ATP8A2: variants seen among roughly 807,000 people sequenced by gnomAD.
The protein encoded by ATP8A2 is phospholipid-transporting ATPase IB.
ATP8A2 carries 100 observed loss-of-function variants against 165.6 expected under a neutral mutation model. That is an observed-to-expected ratio of 0.60 (90% CI 0.51 to 0.71). The LOEUF (loss-of-function observed/expected upper bound fraction) is 0.71. Ranked by LOEUF, ATP8A2 falls within the 30% of genes least tolerant of loss-of-function variation. ATP8A2 has a pLI of 0.00. For missense variants in ATP8A2, 1,227 were observed against 1,479.5 expected (o/e 0.83, Z 2.80); for synonymous variants, 543 against 548.8 (o/e 0.99, Z 0.15).
At chr13:25,661,293 A>C (rs2042045637) in intron 24 of ATP8A2, among the ~76,000 whole-genome samples, 1 of 152,108 alleles carries the variant, frequency 6.6e-6, no homozygotes, top group Non-Finnish European at 1.5e-5. Context: ...TACCCCTACC[A>C]AGTCTAGGTG....
chr13:25,994,590 A>C (rs1372489506), intron 35 of ATP8A2, among the ~76,000 whole-genome samples: 1 of 152,110 alleles, frequency 6.6e-6, no homozygotes, highest in East Asian at 1.9e-4. Flanking sequence ...TTTTTAACTC[A>C]TGAATGGGTG....
intron 16 of ATP8A2, among the ~76,000 whole-genome samples, chr13:25,570,188 A>G (rs921810389): frequency 6.6e-6 from 1 of 152,214 alleles, no homozygotes; most frequent in African/African-American, 2.4e-5. Flanking sequence ...ATAAACTTAA[A>G]GAATAGACAC....
chr13:25,776,805 G>T (rs2044753492), intron 27 of ATP8A2, among the ~76,000 whole-genome samples: 1 of 152,184 alleles, frequency 6.6e-6, no homozygotes, highest in Admixed American at 6.6e-5. Flanking sequence ...TCCTGTAGCT[G>T]CTGGCTTTCA....
intron 8 of ATP8A2, among the ~76,000 whole-genome samples, chr13:25,540,774 T>C (rs950242030): frequency 1.3e-5 from 2 of 151,936 alleles, no homozygotes; most frequent in African/African-American, 4.8e-5. Flanking sequence ...TCCTAGAGGG[T>C]GATATAATTA....
At chr13:25,471,120 T>C (rs2035831992) in intron 2 of ATP8A2, among the ~76,000 whole-genome samples, 1 of 152,234 alleles carries the variant, frequency 6.6e-6, no homozygotes, top group East Asian at 1.9e-4. Flanking sequence ...TGTGTTTCTA[T>C]TGAATTGCTT....
At chr13:25,623,565 C>G (rs2041027071) in intron 24 of ATP8A2, among the ~76,000 whole-genome samples, 2 of 152,010 alleles carry the variant, frequency 1.3e-5, no homozygotes, top group African/African-American at 4.8e-5. Context: ...ACCAAATCAC[C>G]AAATACGTGT....
rs778077273 is a variant in ATP8A2, at chr13:25,991,102, G to A, written c.3378-21429G>A. 8.5e-5 allele frequency among the ~76,000 whole-genome samples: 13 copies of A among 152,226 alleles called. 1 individual carries two copies. The East Asian group carries it at 9.7e-4, about 11-fold the overall frequency. ...GCCTGAGGTGGACAGCCTCTCCCTCGGGTAGTGTGCCTGCAGGAGATACAG... is the reference window on the plus strand; with the variant it reads ...GCCTGAGGTGGACAGCCTCTCCCTCAGGTAGTGTGCCTGCAGGAGATACAG... On this transcript the variant is annotated intron_variant, in intron 35 of 36. Coordinates refer to ENST00000381655, the MANE Select transcript of ATP8A2 (RefSeq NM_016529.6).
At chr13:25,876,260 C>A (rs1017833596) in intron 33 of ATP8A2, among the ~76,000 whole-genome samples, 3 of 152,018 alleles carry the variant, frequency 2.0e-5, no homozygotes, top group African/African-American at 7.3e-5. Flanking sequence ...TCAGTTGAGG[C>A]GTAGGATTTC....
chr13:25,811,405 TAA>T (rs1950864001), intron 27 of ATP8A2, among the ~76,000 whole-genome samples: 1 of 152,204 alleles, frequency 6.6e-6, no homozygotes. Flanking sequence ...ATACTTTATT[TAA>T]AAGTTATAGA....
intron 2 of ATP8A2, among the ~76,000 whole-genome samples, chr13:25,513,550 G>A (rs919066219): frequency 7.9e-5 from 12 of 152,102 alleles, no homozygotes; most frequent in South Asian, 2.1e-4. Flanking sequence ...CTTCCCAGAC[G>A]GGGTGGCGGC....
chr13:25,894,735 G>A (rs373148299), intron 33 of ATP8A2, among the ~76,000 whole-genome samples: 1 of 152,112 alleles, frequency 6.6e-6, no homozygotes, highest in Non-Finnish European at 1.5e-5. Context: ...AGTTCTCCTT[G>A]AAGAGGTCCT....
At chr13:25,622,866 T>C (rs61947478) in intron 24 of ATP8A2, among the ~76,000 whole-genome samples, 5,813 of 152,300 alleles carry the variant, frequency 0.038, 134 homozygotes, top group Non-Finnish European at 0.052. Context: ...ACTCAACATG[T>C]AGTACTTATT....
At chr13:25,755,290 A>T (rs1285189181) in intron 25 of ATP8A2, among the ~76,000 whole-genome samples, 2 of 152,170 alleles carry the variant, frequency 1.3e-5, no homozygotes, top group African/African-American at 4.8e-5. Context: ...TCACCCAGGG[A>T]CAAAGCTACA....
At chr13:25,869,053 A>G (rs1430997407) in intron 33 of ATP8A2, among the ~76,000 whole-genome samples, 1 of 140,572 alleles carries the variant, frequency 7.1e-6, no homozygotes, top group Non-Finnish European at 1.5e-5. Flanking sequence ...TGGGCGACAC[A>G]GCGAGACTCC....
chr13:25,492,697 G>A (rs182012126), intron 2 of ATP8A2, among the ~76,000 whole-genome samples: 2 of 152,304 alleles, frequency 1.3e-5, no homozygotes, highest in African/African-American at 2.4e-5. Flanking sequence ...AGTTTTCAAC[G>A]TTTCCCTCAA....
intron 10 of ATP8A2, among the ~76,000 whole-genome samples, chr13:25,546,959 A>C (rs1054013051): frequency 6.6e-6 from 1 of 151,668 alleles, no homozygotes; most frequent in Non-Finnish European, 1.5e-5. Flanking sequence ...GTGAAACCCC[A>C]TCTCTACTAA....
At chr13:25,529,451 G>A (rs192632954) in intron 2 of ATP8A2, among the ~76,000 whole-genome samples, 25 of 152,252 alleles carry the variant, frequency 1.6e-4, no homozygotes, top group Middle Eastern at 3.4e-3. Context: ...GAGGAGTGTC[G>A]TTATAAATTT....
chr13:25,626,962 G>C (rs1012949824), intron 24 of ATP8A2, among the ~76,000 whole-genome samples: 3 of 152,098 alleles, frequency 2.0e-5, no homozygotes, highest in Non-Finnish European at 2.9e-5. Flanking sequence ...AGCAGTATGG[G>C]GGAAACTGCC....
At chr13:25,731,977 T>C (rs574149455) in intron 25 of ATP8A2, among the ~76,000 whole-genome samples, 1 of 152,214 alleles carries the variant, frequency 6.6e-6, no homozygotes, top group Non-Finnish European at 1.5e-5. Flanking sequence ...AGGTGGGCAG[T>C]GTGTCCTCTT....
Sources: gnomAD v4.1 joint callset for allele counts (sites outside exome capture counted in the v4.1 genomes callset) on GRCh38, gnomAD v4.1.1 for gene constraint, MANE v1.5 for transcripts, NCBI Gene and HGNC (gene_info 2026-07-23, HGNC 2026-07-21) for gene names.